The following MACF1 variants were observed in gnomAD, a reference collection of about 807,000 sequenced individuals.
MACF1 encodes the protein microtubule-actin cross-linking factor 1.
A neutral mutation model predicts 854.8 loss-of-function variants in MACF1; 193 were observed. That is an observed-to-expected ratio of 0.23 (90% CI 0.20 to 0.25). The LOEUF is 0.25. Ranked by LOEUF, MACF1 falls within the 10% of genes least tolerant of loss-of-function variation. The pLI is 1.00. For missense variants in MACF1, 7,722 were observed against 8,929.1 expected, an observed-to-expected ratio of 0.86 and a Z score of 5.45; for synonymous variants, 3,185 against 3,226.7, an observed-to-expected ratio of 0.99 and a Z score of 0.44.
chr1:39,135,299 T>C (rs528453436), intron 2 of MACF1, among the ~76,000 whole-genome samples: 4 of 152,294 alleles, frequency 2.6e-5, no homozygotes, highest in African/African-American at 9.6e-5. Context: ...CAGGCTGGAG[T>C]GCAATGGTGC....
At chr1:39,088,696 G>A (rs376511862) in intron 2 of MACF1, among the ~76,000 whole-genome samples, 17 of 152,294 alleles carry the variant, frequency 1.1e-4, no homozygotes, top group African/African-American at 4.1e-4. Flanking sequence ...ACCCCAAAGG[G>A]TAGAAACAAA....
At chr1:39,121,758 A>G (rs1642721039) in intron 2 of MACF1, among the ~76,000 whole-genome samples, 1 of 152,134 alleles carries the variant, frequency 6.6e-6, no homozygotes, top group Non-Finnish European at 1.5e-5. Context: ...AGTCTTATTT[A>G]ATTGTCATAA....
intron 1 of MACF1, among the ~76,000 whole-genome samples, chr1:39,205,464 A>T (rs888181659): frequency 1.3e-5 from 2 of 152,258 alleles, no homozygotes; most frequent in Admixed American, 6.5e-5. Context: ...TTTCTTTCTC[A>T]ATCTCAGAGT....
chr1:39,308,534 G>A (rs989802952), intron 23 of MACF1, among the ~76,000 whole-genome samples: 5 of 152,048 alleles, frequency 3.3e-5, no homozygotes, highest in African/African-American at 4.8e-5. Flanking sequence ...TCAAGGTAAC[G>A]TGGTGGGTAT....
At position 39,443,584 on chromosome 1, in the gene MACF1, A is replaced by G. The variant is rs756923090; in HGVS notation, c.19431+10A>G. ...GCTTGATACACATATGGTAATAGCAATTTTTTGAAATTGAGCATAAGCATC... is the reference window on the plus strand; with the variant it reads ...GCTTGATACACATATGGTAATAGCAGTTTTTTGAAATTGAGCATAAGCATC... On this transcript the variant is annotated intron_variant, in intron 79 of 100. Transcript: ENST00000564288. 12 of 1,586,290 alleles carry G rather than the reference A, an allele frequency of 7.6e-6. No individual in the cohort carries two copies. The highest frequency in any genetic ancestry group is 2.3e-5 in the South Asian group (2 of 86,052).
intron 66 of MACF1, among the ~76,000 whole-genome samples, chr1:39,431,624 C>T (rs1024579050): frequency 7.9e-5 from 12 of 151,968 alleles, no homozygotes; most frequent in African/African-American, 2.7e-4. Context: ...TTGGGAGAAG[C>T]GTATTTTTAA....
chr1:39,447,871 A>G lies in MACF1; in HGVS notation c.19941A>G (p.Leu6647=), dbSNP rs775376417. The G allele has an allele frequency of 7.4e-6, 12 of 1,613,998 alleles. No individual in the cohort carries two copies. The African/African-American group carries it at 1.3e-4, about 18-fold the overall frequency. Residue 6647 remains leucine (L), a synonymous_variant, in exon 82 of 101, where the codon CTA becomes CTG. Coordinates refer to ENST00000564288, the MANE Select transcript of MACF1 (RefSeq NM_001394062.1). ...GATCTATTGAAAGAGGGCGATCACT[A>G]GATGATGCCAGGAAGCGGGCAAAAC... ...VQRSIERGRS[L]DDARKRAKQF...
chr1:39,330,577 A>G (rs1277411063), intron 36 of MACF1, among the ~76,000 whole-genome samples: 2 of 152,192 alleles, frequency 1.3e-5, no homozygotes, highest in Non-Finnish European at 2.9e-5. Flanking sequence ...ATTAAATCCT[A>G]TCATTTTCAC....
rs1646750838 is a variant in MACF1, at chr1:39,332,838, G to T, written c.6250G>T (p.Glu2084Ter). ...GAACCCTGAACAGGATCTGTTTGTA[G>T]AACAAAAAGAGAGAAATCCAAACAT... Reference protein sequence around the residue: ...VENPEQDLFVEQKERNPNIDA... With the variant: ...VENPEQDLFV Residue 2084 changes from glutamate to a stop codon, truncating the protein, a stop_gained, in exon 37 of 101, where the codon GAA (glutamate) becomes TAA (stop). Transcript: ENST00000564288. LOFTEE classifies it high-confidence loss of function. 1 of 1,613,814 alleles carries T rather than the reference G, an allele frequency of 6.2e-7. No individual in the cohort carries two copies. Among genetic ancestry groups the T allele is most frequent in the Non-Finnish European group, 8.5e-7 (1 of 1,179,964 alleles).
intron 40 of MACF1, among the ~76,000 whole-genome samples, chr1:39,345,927 G>A (rs985282756): frequency 2.0e-5 from 3 of 152,128 alleles, no homozygotes. Context: ...AAATTAGCCA[G>A]GCATGGTGGT....
chr1:39,479,986 G>C lies in MACF1; in HGVS notation c.22147G>C (p.Ala7383Pro), dbSNP rs773189295. The change falls in exon 98 of 101, where the codon GCC becomes CCC. Residue 7383 changes from alanine to proline, a missense_variant. Physicochemically the swap from Ala to Pro is conservative, Grantham distance 27. Around this residue, in one of 15 missense-constraint regions of MACF1, gnomAD observed 153 missense variants for 342.5 expected, o/e 0.45. Coordinates refer to ENST00000564288, the MANE Select transcript of MACF1 (RefSeq NM_001394062.1). ...CTGTACATCCATGCCATCTTCTCCA[G>C]CCACCCCAGCCAGTGGAACCAAGGT... The part of the protein sequence containing the change: ...HSCTSMPSSP[A>P]TPASGTKTSL... 1 of 1,578,588 alleles carries C rather than the reference G, an allele frequency of 6.3e-7. No homozygotes were observed. The highest frequency in any genetic ancestry group is 1.4e-5 in the African/African-American group (1 of 73,396).
At chr1:39,396,189 A>G (rs1055664681) in intron 58 of MACF1, among the ~76,000 whole-genome samples, 1 of 152,050 alleles carries the variant, frequency 6.6e-6, no homozygotes, top group African/African-American at 2.4e-5. Flanking sequence ...GCATGGTGGC[A>G]TGCGCCTGTA....
chr1:39,119,806 C>T (rs937267916), intron 2 of MACF1, among the ~76,000 whole-genome samples: 2 of 151,176 alleles, frequency 1.3e-5, no homozygotes, highest in African/African-American at 2.4e-5. Context: ...TATATTCTGT[C>T]CATTTCATAG....
intron 27 of MACF1, 126 bp downstream of exon 27, chr1:39,315,817 G>A: frequency 1.1e-6 from 1 of 916,360 alleles, no homozygotes; most frequent in Non-Finnish European, 1.6e-6. Context: ...TACTGATAAT[G>A]AGAGGTCTTG....
chr1:39,164,726 T>C (rs1385860909), intron 2 of MACF1, among the ~76,000 whole-genome samples: 1 of 152,214 alleles, frequency 6.6e-6, no homozygotes, highest in African/African-American at 2.4e-5. Context: ...TGGTACCAGA[T>C]TGAGATTCTC....
chr1:39,129,087 C>T (rs970153980), intron 2 of MACF1, among the ~76,000 whole-genome samples: 1 of 152,184 alleles, frequency 6.6e-6, no homozygotes, highest in African/African-American at 2.4e-5. Context: ...TAGTACTTCA[C>T]ACCCTTCTAA....
In MACF1 at chr1:39,432,625, C is replaced by G. The variant is rs1021832275; in HGVS notation, c.17428C>G (p.Gln5810Glu). Residue 5810 changes from glutamine to glutamate, a missense_variant, in exon 67 of 101, where the codon CAG becomes GAG. Around this residue, in one of 15 missense-constraint regions of MACF1, gnomAD observed 2,807 missense variants for 3,235.8 expected, o/e 0.87. Coordinates refer to ENST00000564288, the MANE Select transcript of MACF1 (RefSeq NM_001394062.1). Reference protein sequence around the residue: ...ALGPIRLEQDQTTAQLQVQKA... With the variant: ...ALGPIRLEQDETTAQLQVQKA... ...GGGTCCAATTCGCCTGGAACAGGAC[C>G]AGACCACAGCTCAGCTTCAGGTACA... 3.1e-6 allele frequency: 5 copies of G among 1,613,974 alleles called. No individual in the cohort carries two copies. The highest frequency in any genetic ancestry group is 4.2e-6 in the Non-Finnish European group (5 of 1,179,968).
intron 2 of MACF1, among the ~76,000 whole-genome samples, chr1:39,123,595 G>A (rs1642776864): frequency 6.6e-6 from 1 of 151,656 alleles, no homozygotes; most frequent in African/African-American, 2.4e-5. Context: ...CTGGAGTGCA[G>A]TGGTGTGATG....
intron 51 of MACF1, among the ~76,000 whole-genome samples, chr1:39,370,608 T>TCTAAC (rs1433729480): frequency 6.6e-6 from 1 of 152,228 alleles, no homozygotes; most frequent in African/African-American, 2.4e-5. Context: ...ACCTCTAACC[T>TCTAAC]ATGTCTTCCT....
Sources: gnomAD v4.1 joint callset for allele counts (sites outside exome capture counted in the v4.1 genomes callset) on GRCh38, gnomAD v4.1.1 for gene constraint, gnomAD v4.1.1 regional missense constraint, MANE v1.5 for transcripts, NCBI Gene and HGNC (gene_info 2026-07-23, HGNC 2026-07-21) for gene names.